ACTN4: variants seen among roughly 807,000 people sequenced by gnomAD.
The protein encoded by ACTN4 is actinin alpha 4.
Under a neutral mutation model 114.2 loss-of-function variants are expected in ACTN4, and 18 were observed. That is an observed-to-expected ratio of 0.16 (90% CI 0.11 to 0.23). The LOEUF is 0.23. ACTN4 is among the 10% of genes least tolerant of loss of function. The probability of loss-of-function intolerance (pLI) is 1.00; values close to 1 mark genes in which losing one functional copy is unlikely to be tolerated. For synonymous variants in ACTN4, 515 were observed against 506.3 expected (o/e 1.02, Z -0.23); for missense variants, 722 against 1,262.9 (o/e 0.57, Z 6.49).
At chr19:38,652,802 A>G (rs1976604078) in intron 1 of ACTN4, among the ~76,000 whole-genome samples, 1 of 152,152 alleles carries the variant, frequency 6.6e-6, no homozygotes, top group South Asian at 2.1e-4. Flanking sequence ...ATGTGGTCTT[A>G]TGGCCGGGCG....
At chr19:38,673,551 ATATACTTATATATATT>A (rs1967229180) in intron 1 of ACTN4, among the ~76,000 whole-genome samples, 1 of 100,822 alleles carries the variant, frequency 9.9e-6, no homozygotes, top group African/African-American at 3.3e-5. Context: ...ATATATTTAT[ATATACTTATATATATT>A]TATATATATT....
At chr19:38,713,868 C>T (rs1968749279) in intron 8 of ACTN4, among the ~76,000 whole-genome samples, 1 of 152,226 alleles carries the variant, frequency 6.6e-6, no homozygotes, top group Admixed American at 6.5e-5. Flanking sequence ...GGGCAGGACG[C>T]TCTCCTGTAG....
Position 38,731,071 on chromosome 19 carries a change from TCCCCCCATGC to T in ACTN4, c.*1643_*1652del, listed in dbSNP as rs753369619. 4 of 1,573,614 alleles carry T rather than the reference TCCCCCCATGC, an allele frequency of 2.5e-6. No homozygotes were observed. Among genetic ancestry groups the T allele is most frequent in the Admixed American group, 3.7e-5 (2 of 54,572 alleles). ...AGTGCCCACCAGTCCCCGTACCCCT[TCCCCCCATGC>T]CCCACCATGCCGGGGTGGTACTCAC... On this transcript the variant is annotated 3_prime_UTR_variant, in exon 21 of 21. Coordinates refer to ENST00000252699, the MANE Select transcript of ACTN4 (RefSeq NM_004924.6).
At chr19:38,678,898 A>G (rs1967462071) in intron 1 of ACTN4, among the ~76,000 whole-genome samples, 1 of 152,204 alleles carries the variant, frequency 6.6e-6, no homozygotes, top group African/African-American at 2.4e-5. Context: ...TGGCTTGTTT[A>G]TCTGATGGTA....
In ACTN4 at chr19:38,710,240, T is replaced by G; in HGVS notation, c.734-17T>G. 6.2e-7 allele frequency: 1 copy of G among 1,613,998 alleles called. No homozygotes were observed. Among genetic ancestry groups the G allele is most frequent in the Non-Finnish European group, 8.5e-7 (1 of 1,179,954 alleles). On this transcript the variant is annotated splice_polypyrimidine_tract_variant and intron_variant, in intron 7 of 20. Coordinates refer to ENST00000252699, the MANE Select transcript of ACTN4 (RefSeq NM_004924.6). ...CCGCCCTACTCGGGCAGTTTAACCC[T>G]TGTTGTTCACTTGCAGACATCGTGA... is the stretch of plus-strand genomic sequence containing the variant.
rs1478339393 is a variant in ACTN4, at chr19:38,700,627, C to G, written c.190C>G (p.Leu64Val). ...KTFTAWCNSH[L>V]RKAGTQIENI... is the part of the protein sequence containing the mutation. ...CTTCACGGCATGGTGCAACTCCCAC[C>G]TGCGGAAGGCAGGCACACAGATCGA... The change falls in exon 2 of 21, where the codon CTG becomes GTG. Residue 64 changes from leucine (L) to valine (V), a missense_variant. Leu to Val is a conservative substitution (Grantham distance 32). Around this residue, in one of 3 missense-constraint regions of ACTN4, gnomAD observed 127 missense variants for 311.3 expected, o/e 0.41. Transcript: ENST00000252699. 6.2e-7 allele frequency: 1 copy of G among 1,614,090 alleles called. No homozygotes were observed. The highest frequency in any genetic ancestry group is 8.5e-7 in the Non-Finnish European group (1 of 1,180,036).
intron 11 of ACTN4, among the ~76,000 whole-genome samples, chr19:38,718,831 G>A (rs1056560657): frequency 2.6e-5 from 4 of 152,198 alleles, no homozygotes; most frequent in African/African-American, 7.2e-5. Context: ...CTCTGTGAGC[G>A]TGGACGGAAG....
rs773167769 is a variant in ACTN4 at position 38,717,334 on chromosome 19, C to T, written c.1143+18C>T. On this transcript the variant is annotated intron_variant, in intron 10 of 20. Coordinates refer to ENST00000252699, the MANE Select transcript of ACTN4 (RefSeq NM_004924.6). This position sits in a 1 kb window ranked among gnomAD's most constrained non-coding sequence, Gnocchi z 4.0. ...TGGTCTCGGTGAGCACCAGGATTCA[C>T]ATGGGAGCAGCTGTGAGGGGCAGAG... The T allele has an allele frequency of 1.9e-6, 3 of 1,611,770 alleles. No individual in the cohort carries two copies. The Admixed American group carries it at 5.0e-5, about 27-fold the overall frequency.
intron 1 of ACTN4, among the ~76,000 whole-genome samples, chr19:38,653,739 T>C (rs570874808): frequency 6.6e-6 from 1 of 152,376 alleles, no homozygotes; most frequent in Admixed American, 6.5e-5. Context: ...TCGTGTTACT[T>C]TTAAACAAGG....
At chr19:38,673,189 C>G (rs927467401) in intron 1 of ACTN4, among the ~76,000 whole-genome samples, 1 of 148,152 alleles carries the variant, frequency 6.7e-6, no homozygotes, top group Middle Eastern at 3.7e-3. Flanking sequence ...GTGATCCCCC[C>G]ACCTCAGCCT....
At chr19:38,666,970 G>A (rs966434869) in intron 1 of ACTN4, among the ~76,000 whole-genome samples, 9 of 152,140 alleles carry the variant, frequency 5.9e-5, no homozygotes, top group Admixed American at 2.6e-4. Flanking sequence ...TGAGTCTAGG[G>A]ATGTGCCAGG....
rs563652972 is a variant in ACTN4 at position 38,709,562 on chromosome 19, C to T, written c.733+86C>T. 1,448 of 1,187,294 alleles carry T rather than the reference C, an allele frequency of 1.2e-3. 5 individuals are homozygous for T. Among genetic ancestry groups the T allele is most frequent in the Non-Finnish European group, 1.6e-3 (1,301 of 796,358 alleles). The allele number at this position is 1,187,294 out of a possible 1,614,324, so 73.5% of individuals were successfully genotyped here. ...CTGGCCTCGGGCAAGGGGCTGTGGG[C>T]ACATCAGAGCTTTGGGTCACCTTGG... On this transcript the variant is annotated intron_variant, in intron 7 of 20. Coordinates refer to ENST00000252699, the MANE Select transcript of ACTN4 (RefSeq NM_004924.6).
rs1169762682 is a variant in ACTN4, at chr19:38,701,087, C to T, written c.363C>T (p.Ser121=). The stretch of plus-strand genomic sequence containing the variant: ...ACAAAGCGCTGGACTTTATTGCCAG[C>T]AAAGGCGTCAAGCTGGTCTCCATCG... The part of the protein sequence containing the change: ...NVNKALDFIA[S]KGVKLVSIGA... Residue 121 remains serine, a synonymous_variant, in exon 3 of 21, where the codon AGC becomes AGT. Coordinates refer to ENST00000252699, the MANE Select transcript of ACTN4 (RefSeq NM_004924.6). The T allele has an allele frequency of 3.1e-6, 5 of 1,613,984 alleles. No homozygotes were observed. The highest frequency in any genetic ancestry group is 4.2e-6 in the Non-Finnish European group (5 of 1,180,048).
intron 11 of ACTN4, chr19:38,718,291 C>T (rs1289000875): frequency 2.4e-6 from 2 of 834,396 alleles, no homozygotes; most frequent in East Asian, 2.7e-5. Context: ...CTTTGGCAGG[C>T]CAAGGCAGGA....
chr19:38,665,434 C>T (rs1966927117), intron 1 of ACTN4, among the ~76,000 whole-genome samples: 1 of 152,214 alleles, frequency 6.6e-6, no homozygotes, highest in African/African-American at 2.4e-5. Context: ...TGCAGCTTCC[C>T]AAAATGATTT....
At chr19:38,668,289 A>G (rs79209083) in intron 1 of ACTN4, among the ~76,000 whole-genome samples, 3,006 of 152,280 alleles carry the variant, frequency 0.02, 143 homozygotes, top group South Asian at 0.15. Flanking sequence ...GTGATTTGTT[A>G]ATATTCTTTC....
At chr19:38,663,233 C>T (rs1976943521) in intron 1 of ACTN4, among the ~76,000 whole-genome samples, 1 of 152,178 alleles carries the variant, frequency 6.6e-6, no homozygotes, top group Non-Finnish European at 1.5e-5. Flanking sequence ...CAACCGGCTT[C>T]TTGTGTAACA....
chr19:38,665,873 C>A (rs117087613), intron 1 of ACTN4, among the ~76,000 whole-genome samples: 3 of 152,158 alleles, frequency 2.0e-5, no homozygotes, highest in African/African-American at 7.2e-5. Context: ...TCCCCTTCCC[C>A]GCAAAGCAAA....
intron 1 of ACTN4, among the ~76,000 whole-genome samples, chr19:38,651,985 C>T (rs1233732542): frequency 1.3e-5 from 2 of 152,112 alleles, no homozygotes; most frequent in African/African-American, 2.4e-5. Flanking sequence ...CCGCCTGCCT[C>T]GGCCTCCCAA....
Sources: gnomAD v4.1 joint callset for allele counts (sites outside exome capture counted in the v4.1 genomes callset) on GRCh38, gnomAD v4.1.1 for gene constraint, gnomAD v4.1.1 regional missense constraint, Gnocchi (gnomAD v3.1) non-coding constraint, MANE v1.5 for transcripts, NCBI Gene and HGNC (gene_info 2026-07-23, HGNC 2026-07-21) for gene names.